The following CLPB variants were observed in gnomAD, a reference collection of about 807,000 sequenced individuals.
CLPB encodes mitochondrial disaggregase.
A neutral mutation model predicts 78.4 loss-of-function variants in CLPB; 40 were observed. The observed-to-expected ratio is 0.51, with a 90% CI of 0.40 to 0.66. The LOEUF (loss-of-function observed/expected upper bound fraction) is 0.66. Among genes scored for constraint, CLPB ranks in the 30% least tolerant of loss-of-function variants. The probability of loss-of-function intolerance (pLI) is 0.00; values close to 1 mark genes in which losing one functional copy is unlikely to be tolerated. For synonymous variants in CLPB, 333 were observed against 348.0 expected (o/e 0.96, Z 0.48); for missense variants, 780 against 886.9 (o/e 0.88, Z 1.53).
intron 2 of CLPB, among the ~76,000 whole-genome samples, chr11:72,420,466 C>T (rs1209049105): frequency 6.6e-6 from 1 of 152,004 alleles, no homozygotes; most frequent in Non-Finnish European, 1.5e-5. Flanking sequence ...TGCACTCCAG[C>T]CTGGGCAACA....
chr11:72,349,926 G>A (rs956575554), intron 5 of CLPB, among the ~76,000 whole-genome samples: 1 of 152,254 alleles, frequency 6.6e-6, no homozygotes, highest in African/African-American at 2.4e-5. Flanking sequence ...ACTACTGGCG[G>A]TGATGAGGTC....
intron 2 of CLPB, among the ~76,000 whole-genome samples, chr11:72,419,411 A>G (rs1408091788): frequency 6.6e-6 from 1 of 152,230 alleles, no homozygotes; most frequent in East Asian, 1.9e-4. Flanking sequence ...GGCACATACA[A>G]GCAGGAAGGC....
chr11:72,393,628 G>C (rs1449585109), intron 3 of CLPB, among the ~76,000 whole-genome samples: 1 of 152,166 alleles, frequency 6.6e-6, no homozygotes, highest in Admixed American at 6.5e-5. Context: ...ACTGTGCCTT[G>C]ACTATTTCCA....
chr11:72,316,515 G>C lies in CLPB; in HGVS notation c.988+591C>G, dbSNP rs564155791. On this transcript the variant is annotated intron_variant, in intron 7 of 15. Transcript: ENST00000538039. The stretch of plus-strand genomic sequence containing the variant: ...GCTCGTTGGGTCTGCACAGGCAGGA[G>C]GGCCATTACATTAGGGATTACACCA... Among the ~76,000 whole-genome samples the C allele has an allele frequency of 1.1e-4, 16 of 152,338 alleles. No homozygotes were observed. In the East Asian group the frequency reaches 3.1e-3, roughly 29 times the overall value.
chr11:72,332,281 G>A lies in CLPB; in HGVS notation c.776-2477C>T, dbSNP rs910542358. On this transcript the variant is annotated intron_variant, in intron 5 of 15. Coordinates refer to ENST00000538039, the MANE Select transcript of CLPB (RefSeq NM_001258392.3). ...GCGGATCACTTGAGGCCAGGAGTTCGAGACCAGCCTGGCCAACATGGTGAA... is the reference window on the plus strand; with the variant it reads ...GCGGATCACTTGAGGCCAGGAGTTCAAGACCAGCCTGGCCAACATGGTGAA... Among the ~76,000 whole-genome samples, 4 of 149,540 alleles carry A rather than the reference G, an allele frequency of 2.7e-5. No individual in the cohort carries two copies. The East Asian group carries it at 5.9e-4, about 22-fold the overall frequency.
chr11:72,377,917 G>A (rs1034873828), intron 4 of CLPB, among the ~76,000 whole-genome samples: 17 of 152,132 alleles, frequency 1.1e-4, no homozygotes, highest in African/African-American at 4.1e-4. Flanking sequence ...AATGGTCGAG[G>A]TAAGTAGTCA....
At chr11:72,405,710 C>T (rs1267570393) in intron 2 of CLPB, among the ~76,000 whole-genome samples, 12 of 152,092 alleles carry the variant, frequency 7.9e-5, no homozygotes, top group Admixed American at 7.2e-4. Flanking sequence ...AGGTGGATCA[C>T]GAGGTCAGGA....
intron 14 of CLPB, 39 bp from the exon 15 acceptor site, chr11:72,294,165 C>G (rs774853987): frequency 1.3e-5 from 21 of 1,607,946 alleles, no homozygotes; most frequent in Non-Finnish European, 1.8e-5. Context: ...GCATGTGGCC[C>G]ACTGCTTTCC....
chr11:72,369,193 G>T (rs1455207072), intron 4 of CLPB, among the ~76,000 whole-genome samples: 2 of 152,042 alleles, frequency 1.3e-5, no homozygotes, highest in African/African-American at 4.8e-5. Flanking sequence ...AGACCCAGGG[G>T]GTGCTTTCCA....
At chr11:72,401,498 C>T (rs1466472948) in intron 3 of CLPB, among the ~76,000 whole-genome samples, 1 of 151,950 alleles carries the variant, frequency 6.6e-6, no homozygotes, top group African/African-American at 2.4e-5. Flanking sequence ...GTGCTTGGAG[C>T]TAAAGAGAGC....
At chr11:72,303,934 A>C (rs1949702558) in intron 9 of CLPB, 1 of 152,228 alleles carries the variant, frequency 6.6e-6, no homozygotes, top group Non-Finnish European at 1.5e-5. Context: ...CTGTGCTCTT[A>C]GCCATCATGC....
In CLPB at chr11:72,403,692, T is replaced by C. The variant is rs76435114; in HGVS notation, c.456-640A>G. Among the ~76,000 whole-genome samples the C allele has an allele frequency of 9.2e-3, 1,397 of 152,324 alleles. 18 individuals are homozygous for C. Among genetic ancestry groups the C allele is most frequent in the African/African-American group, 0.032 (1,339 of 41,564 alleles). ...TCAACTCAAGGAAAGATGGAAACAA[T>C]AGATTAGGTTCCTAGGAGAGTCCAC... On this transcript the variant is annotated intron_variant, in intron 2 of 15. Transcript: ENST00000538039.
chr11:72,389,684 G>C (rs1855188951), intron 3 of CLPB, among the ~76,000 whole-genome samples: 2 of 152,168 alleles, frequency 1.3e-5, no homozygotes, highest in Non-Finnish European at 2.9e-5. Flanking sequence ...CCAGCACTCT[G>C]GGAGACTGAG....
At chr11:72,374,071 A>G (rs1253945567) in intron 4 of CLPB, among the ~76,000 whole-genome samples, 2 of 152,002 alleles carry the variant, frequency 1.3e-5, no homozygotes, top group Non-Finnish European at 2.9e-5. Context: ...AGATAATCCA[A>G]TGACCCATGG....
chr11:72,366,698 A>G (rs1270143894), intron 4 of CLPB, among the ~76,000 whole-genome samples: 1 of 152,176 alleles, frequency 6.6e-6, no homozygotes, highest in African/African-American at 2.4e-5. Flanking sequence ...CAAACCCACA[A>G]TGAGATACCA....
At chr11:72,361,902 A>C (rs1950846110) in intron 4 of CLPB, among the ~76,000 whole-genome samples, 2 of 152,244 alleles carry the variant, frequency 1.3e-5, no homozygotes, top group African/African-American at 4.8e-5. Flanking sequence ...ACAATTTCAC[A>C]TGTGCAATGA....
intron 2 of CLPB, chr11:72,428,788 T>A (rs1478414408): frequency 1.3e-5 from 2 of 152,256 alleles, no homozygotes; most frequent in East Asian, 3.8e-4. Context: ...AAAAATTGTC[T>A]GAATCACACA....
intron 2 of CLPB, among the ~76,000 whole-genome samples, chr11:72,419,152 C>A (rs972008971): frequency 1.3e-5 from 2 of 152,230 alleles, no homozygotes; most frequent in Admixed American, 6.5e-5. Context: ...TTCTTAGATT[C>A]ATCTCTGTTC....
intron 5 of CLPB, chr11:72,333,100 GC>G (rs1453944111): frequency 1.3e-5 from 2 of 152,168 alleles, no homozygotes; most frequent in East Asian, 1.9e-4. Context: ...GAAATAACTA[GC>G]CCAAGGCCAC....
Sources: gnomAD v4.1 joint callset for allele counts (sites outside exome capture counted in the v4.1 genomes callset) on GRCh38, gnomAD v4.1.1 for gene constraint, MANE v1.5 for transcripts, NCBI Gene and HGNC (gene_info 2026-07-23, HGNC 2026-07-21) for gene names.